ASIC2: variants seen among roughly 807,000 people sequenced by gnomAD.
ASIC2 encodes acid sensing ion channel subunit 2.
A neutral mutation model predicts 57.3 loss-of-function variants in ASIC2; 25 were observed. The observed-to-expected ratio is 0.44, with a 90% CI of 0.32 to 0.61. The LOEUF (loss-of-function observed/expected upper bound fraction) is 0.61, where lower values mean the gene tolerates loss of function less well. ASIC2 is among the 20% of genes least tolerant of loss of function. The pLI, the probability that ASIC2 is intolerant of heterozygous loss-of-function variation, is 0.06. For synonymous variants in ASIC2, 319 were observed against 307.5 expected (o/e 1.04, Z -0.39); for missense variants, 641 against 738.1 (o/e 0.87, Z 1.52).
At chr17:33,260,562 G>T (rs1021271141) in intron 1 of ASIC2, among the ~76,000 whole-genome samples, 1 of 152,226 alleles carries the variant, frequency 6.6e-6, no homozygotes, top group Admixed American at 6.5e-5. Flanking sequence ...CCGCCAGGGG[G>T]GCGGGGAATA....
At chr17:33,891,157 C>G (rs1914951764) in intron 1 of ASIC2, among the ~76,000 whole-genome samples, 1 of 152,216 alleles carries the variant, frequency 6.6e-6, no homozygotes, top group South Asian at 2.1e-4. Context: ...CTGTGCACAT[C>G]TGAACAGGGA....
At chr17:33,451,952 C>T (rs1025992647) in intron 1 of ASIC2, among the ~76,000 whole-genome samples, 1 of 152,132 alleles carries the variant, frequency 6.6e-6, no homozygotes, top group Non-Finnish European at 1.5e-5. Context: ...TTGCTGTATC[C>T]TCAGAACCTA....
chr17:33,172,838 G>A lies in ASIC2; in HGVS notation c.709-60771C>T, dbSNP rs558756487. ...GAATCAGAAACTGTGAGGTTGGGTCGTTTCAACAAGCCTTCCAGCTGTCAC... is the reference window on the plus strand; with the variant it reads ...GAATCAGAAACTGTGAGGTTGGGTCATTTCAACAAGCCTTCCAGCTGTCAC... On this transcript the variant is annotated intron_variant, in intron 1 of 9. Transcript: ENST00000225823. Among the ~76,000 whole-genome samples the A allele has an allele frequency of 1.3e-3, 204 of 152,308 alleles. 2 individuals are homozygous for A. The highest frequency in any genetic ancestry group is 4.5e-3 in the African/African-American group (186 of 41,560).
rs56235143 is a variant in ASIC2, at chr17:33,528,167, G to GGTGTGTGT, written c.556-416108_556-416101dup. 1.2e-3 allele frequency among the ~76,000 whole-genome samples: 174 copies of GGTGTGTGT among 143,496 alleles called. 1 individual carries two copies. The highest frequency in any genetic ancestry group is 3.2e-3 in the African/African-American group (123 of 38,704). 94.1% of individuals were successfully genotyped at this position (143,496 alleles called of 152,430 possible). On this transcript the variant is annotated intron_variant, in intron 1 of 9. Coordinates refer to the ASIC2 transcript ENST00000359872. ...GCCTGGCTGACCCGTGTATGTGGTA[G>GGTGTGTGT]GTGTGTGTGTGTGTGTGTGGTTTCC...
At chr17:34,054,967 T>C (rs561477276) in intron 1 of ASIC2, among the ~76,000 whole-genome samples, 72 of 152,264 alleles carry the variant, frequency 4.7e-4, no homozygotes, top group African/African-American at 1.7e-3. Flanking sequence ...ATGTGAAGAA[T>C]GGAAGAAGAG....
At chr17:34,035,305 A>G (rs1218275135) in intron 1 of ASIC2, among the ~76,000 whole-genome samples, 1 of 145,218 alleles carries the variant, frequency 6.9e-6, no homozygotes, top group East Asian at 2.0e-4. Flanking sequence ...CTGGCTAGCC[A>G]TATGTGGAAA....
intron 1 of ASIC2, among the ~76,000 whole-genome samples, chr17:33,880,415 T>C (rs1914669288): frequency 6.6e-6 from 1 of 152,020 alleles, no homozygotes; most frequent in Non-Finnish European, 1.5e-5. Context: ...TAAAAAATAA[T>C]AAAGGGGATA....
intron 1 of ASIC2, among the ~76,000 whole-genome samples, chr17:33,335,006 C>T (rs1023466647): frequency 2.6e-5 from 4 of 152,180 alleles, no homozygotes; most frequent in East Asian, 1.9e-4. Flanking sequence ...ATGAACCTGC[C>T]AGTTATTTGC....
chr17:33,623,426 AT>A (rs11328045), intron 1 of ASIC2: 62,421 of 147,580 alleles, frequency 0.42, 13,016 homozygotes, highest in East Asian at 0.5. Flanking sequence ...CGCCCAGCCA[AT>A]TTTTTTTTTT....
intron 1 of ASIC2, among the ~76,000 whole-genome samples, chr17:34,112,146 T>C (rs1257219678): frequency 6.6e-6 from 1 of 152,146 alleles, no homozygotes; most frequent in Admixed American, 6.5e-5. Flanking sequence ...ATATTCAGAA[T>C]AGAAGAGACC....
intron 1 of ASIC2, among the ~76,000 whole-genome samples, chr17:33,358,062 G>A (rs1184246982): frequency 2.6e-5 from 4 of 152,132 alleles, no homozygotes; most frequent in East Asian, 1.9e-4. Flanking sequence ...TGGATCTGGG[G>A]GTTGGCACAC....
At chr17:33,734,971 C>G (rs780172377) in intron 1 of ASIC2, among the ~76,000 whole-genome samples, 8 of 152,200 alleles carry the variant, frequency 5.3e-5, no homozygotes, top group Non-Finnish European at 1.0e-4. Flanking sequence ...GACTTTCTTG[C>G]TATTTCTCAA....
At chr17:33,215,028 A>C (rs1420037648) in intron 1 of ASIC2, among the ~76,000 whole-genome samples, 3 of 152,248 alleles carry the variant, frequency 2.0e-5, no homozygotes, top group Non-Finnish European at 2.9e-5. Flanking sequence ...CCTATACATG[A>C]AGACGAAGCC....
chr17:33,850,440 G>A (rs317401), intron 1 of ASIC2, among the ~76,000 whole-genome samples: 45,544 of 151,926 alleles, frequency 0.3, 7,156 homozygotes, highest in East Asian at 0.48. Flanking sequence ...AGTTCTTCTC[G>A]CATAAATTTC....
At chr17:33,495,667 C>T (rs994847872) in intron 1 of ASIC2, among the ~76,000 whole-genome samples, 1 of 152,108 alleles carries the variant, frequency 6.6e-6, no homozygotes, top group African/African-American at 2.4e-5. Flanking sequence ...CCTAATGGTG[C>T]CAAAGGCCAG....
chr17:33,316,171 C>T (rs1361360986), intron 1 of ASIC2, among the ~76,000 whole-genome samples: 6 of 152,162 alleles, frequency 3.9e-5, no homozygotes. Context: ...TACTTTCAGC[C>T]TTACTATGTT....
chr17:33,178,445 A>G (rs1055387200), intron 1 of ASIC2, among the ~76,000 whole-genome samples: 1 of 152,216 alleles, frequency 6.6e-6, no homozygotes, highest in Admixed American at 6.5e-5. Context: ...TATTCAGTCA[A>G]CAAATATTTA....
intron 1 of ASIC2, among the ~76,000 whole-genome samples, chr17:33,619,457 T>C (rs1261027370): frequency 6.6e-6 from 1 of 152,132 alleles, no homozygotes; most frequent in Non-Finnish European, 1.5e-5. Flanking sequence ...GCTGCTTTGA[T>C]TGTAATAGAA....
intron 1 of ASIC2, among the ~76,000 whole-genome samples, chr17:33,124,096 A>G (rs753761380): frequency 6.6e-6 from 1 of 152,216 alleles, no homozygotes; most frequent in Non-Finnish European, 1.5e-5. Context: ...AACGACCCAT[A>G]TGGCACTAAA....
Sources: allele counts gnomAD v4.1 joint callset (sites outside exome capture counted in the v4.1 genomes callset), GRCh38; gene constraint gnomAD v4.1.1; transcripts MANE v1.5; gene names NCBI Gene and HGNC (gene_info 2026-07-23, HGNC 2026-07-21).